Variants in PEX3 observed in about 807,000 individuals in gnomAD.
The protein encoded by PEX3 is peroxisomal biogenesis factor 3.
Under a neutral mutation model 55.8 loss-of-function variants are expected in PEX3, and 30 were observed. That is an observed-to-expected ratio of 0.54 (90% confidence interval 0.40 to 0.73). The LOEUF is 0.73. Among genes scored for constraint, PEX3 ranks in the 30% least tolerant of loss-of-function variants. The pLI is 0.00. For missense variants in PEX3, 351 were observed against 432.8 expected (o/e 0.81, Z 1.68); for synonymous variants, 135 against 148.4 (o/e 0.91, Z 0.66).
chr6:143,464,936 A>C lies in PEX3; in HGVS notation c.287+1939A>C, dbSNP rs1779972693. 6.6e-6 allele frequency among the ~76,000 whole-genome samples: 1 copy of C among 151,924 alleles called. No individual in the cohort carries two copies. The highest frequency in any genetic ancestry group is 2.4e-5 in the African/African-American group (1 of 41,428). On this transcript the variant is annotated intron_variant, in intron 3 of 11. Coordinates refer to ENST00000367591, the MANE Select transcript of PEX3 (RefSeq NM_003630.3). This position sits in a 1 kb window ranked among gnomAD's most constrained non-coding sequence, Gnocchi z 5.8. ...ATGAGAAATAAGTAGATGATTTGAT[A>C]GTCTTATTTTGCCAACTTCATAACA...
intron 9 of PEX3, among the ~76,000 whole-genome samples, chr6:143,478,597 A>G (rs887517352): frequency 1.3e-5 from 2 of 152,030 alleles, no homozygotes; most frequent in Non-Finnish European, 2.9e-5. Context: ...GAACTAAGAG[A>G]GTATAATTAA....
Position 143,489,455 on chromosome 6 carries a change from T to C in PEX3, c.*229T>C. On this transcript the variant is annotated 3_prime_UTR_variant, in exon 12 of 12. Transcript: ENST00000367591. The surrounding 1 kb of genome is among the most constrained non-coding windows in gnomAD (Gnocchi z 5.5). ...GCATATATATATACACGTGCAAATATCAGAATTGTTAATAATTTGTTACAC... is the reference window on the plus strand; with the variant it reads ...GCATATATATATACACGTGCAAATACCAGAATTGTTAATAATTTGTTACAC... 3.0e-6 allele frequency: 1 copy of C among 334,928 alleles called. No individual in the cohort carries two copies. 20.7% of individuals were successfully genotyped at this position (334,928 alleles called of 1,614,324 possible).
chr6:143,451,030 C>A lies in PEX3; in HGVS notation c.-13C>A. 6.2e-7 allele frequency: 1 copy of A among 1,604,762 alleles called. No individual in the cohort carries two copies. The highest frequency in any genetic ancestry group is 8.5e-7 in the Non-Finnish European group (1 of 1,171,360). On this transcript the variant is annotated 5_prime_UTR_variant, in exon 1 of 12. Coordinates refer to ENST00000367591, the MANE Select transcript of PEX3 (RefSeq NM_003630.3). This position sits in a 1 kb window ranked among gnomAD's most constrained non-coding sequence, Gnocchi z 4.1. ...CCTCACCCCTAGTCAGCCCACACCC[C>A]TAGGGCCTAAAGATGCTGAGGTCTG...
chr6:143,467,145 C>T (rs1780003099), intron 3 of PEX3, among the ~76,000 whole-genome samples: 3 of 151,924 alleles, frequency 2.0e-5, no homozygotes, highest in African/African-American at 4.8e-5. Flanking sequence ...ACCTTAAACT[C>T]TTTTACACTG....
chr6:143,461,882 AGGCTGC>A (rs1408483515), intron 2 of PEX3, among the ~76,000 whole-genome samples: 12 of 152,222 alleles, frequency 7.9e-5, no homozygotes, highest in African/African-American at 2.9e-4. Context: ...CAGGAGGTCA[AGGCTGC>A]AGTGAGCCGT....
rs1212708377 is a variant in PEX3 at position 143,490,133 on chromosome 6, C to CT, written c.*913dup. 6.6e-6 allele frequency: 1 copy of CT among 151,992 alleles called. No individual in the cohort carries two copies. Among genetic ancestry groups the CT allele is most frequent in the Non-Finnish European group, 1.5e-5 (1 of 67,990 alleles). The allele number at this position is 151,992 out of a possible 1,614,324, so 9.4% of individuals were successfully genotyped here. A position where few individuals can be genotyped will look rare whatever the true frequency, so the allele number is the denominator to read the frequency against. On this transcript the variant is annotated 3_prime_UTR_variant, in exon 12 of 12. Transcript: ENST00000367591. The surrounding 1 kb of genome is among the most constrained non-coding windows in gnomAD (Gnocchi z 6.0). ...ATTTTAATTGGTCGTGTACTTGGTG[C>CT]TTTTTTGTTGTTGTTAACTTGTTCA...
chr6:143,451,053 C>G lies in PEX3; in HGVS notation c.11C>G (p.Ser4Cys). The stretch of plus-strand genomic sequence containing the variant: ...CCCTAGGGCCTAAAGATGCTGAGGT[C>G]TGTATGGAATTTTCTGAAACGCCAC... The part of the protein sequence containing the change: MLR[S>C]VWNFLKRHKK... The change falls in exon 1 of 12, where the codon TCT (serine) becomes TGT (cysteine). Residue 4 changes from serine to cysteine, a missense_variant. Transcript: ENST00000367591. The surrounding 1 kb of genome is among the most constrained non-coding windows in gnomAD (Gnocchi z 4.1). 1 of 1,612,792 alleles carries G rather than the reference C, an allele frequency of 6.2e-7. No homozygotes were observed. The highest frequency in any genetic ancestry group is 8.5e-7 in the Non-Finnish European group (1 of 1,178,862).
At chr6:143,461,451 G>A (rs1779918000) in intron 2 of PEX3, among the ~76,000 whole-genome samples, 1 of 152,150 alleles carries the variant, frequency 6.6e-6, no homozygotes, top group South Asian at 2.1e-4. Flanking sequence ...TATAGGTTCA[G>A]TGAAACTTTC....
At chr6:143,470,801 G>A (rs1430392149) in intron 4 of PEX3, among the ~76,000 whole-genome samples, 160 bp from the exon 5 acceptor site, 1 of 152,104 alleles carries the variant, frequency 6.6e-6, no homozygotes, top group East Asian at 1.9e-4. Context: ...ACAATTGTGA[G>A]GAGAGACTGA....
chr6:143,460,588 G>C (rs960269351), intron 2 of PEX3, among the ~76,000 whole-genome samples: 1 of 152,170 alleles, frequency 6.6e-6, no homozygotes, highest in Non-Finnish European at 1.5e-5. Flanking sequence ...AAATGGGCCA[G>C]GCATGGTGGC....
chr6:143,480,601 A>G (rs1458401415), intron 10 of PEX3, among the ~76,000 whole-genome samples: 2 of 152,238 alleles, frequency 1.3e-5, no homozygotes, highest in Non-Finnish European at 2.9e-5. Context: ...TATTTTCTAT[A>G]TAAGTTTTTC....
chr6:143,451,420 C>T lies in PEX3; in HGVS notation c.73+305C>T, dbSNP rs1326751645. 1.3e-5 allele frequency among the ~76,000 whole-genome samples: 2 copies of T among 152,140 alleles called. No homozygotes were observed. Among genetic ancestry groups the T allele is most frequent in the East Asian group, 3.9e-4 (2 of 5,194 alleles). The stretch of plus-strand genomic sequence containing the variant: ...TCTGTTTCAAGGCACCATTCTCTTA[C>T]AGGAACTTTTTAAAAAAAATTCTGC... On this transcript the variant is annotated intron_variant, in intron 1 of 11. Transcript: ENST00000367591. This position sits in a 1 kb window ranked among gnomAD's most constrained non-coding sequence, Gnocchi z 4.1.
intron 8 of PEX3, 94 bp from the exon 9 acceptor site, chr6:143,474,692 A>T: frequency 1.3e-6 from 1 of 790,396 alleles, no homozygotes; most frequent in Non-Finnish European, 2.3e-6. Flanking sequence ...ATAGACTTAG[A>T]TTTCCTAAAC....
In PEX3 at chr6:143,485,051, C is replaced by A; in HGVS notation, c.942-101C>A. 2.6e-6 allele frequency: 2 copies of A among 758,264 alleles called. No individual in the cohort carries two copies. The highest frequency in any genetic ancestry group is 2.3e-6 in the Non-Finnish European group (1 of 425,938). The allele number at this position is 758,264 out of a possible 1,614,324, so 47.0% of individuals were successfully genotyped here. ...TTTTTTTTCCTTTTTAATAGATTTC[C>A]AAAAATATTCTACAATGGCTATGTA... On this transcript the variant is annotated intron_variant, in intron 10 of 11. Transcript: ENST00000367591. The surrounding 1 kb of genome is among the most constrained non-coding windows in gnomAD (Gnocchi z 5.6).
rs1780069250 is a variant in PEX3, at chr6:143,471,232, A to G, written c.456+147A>G. ...TTTTAGTATTATGAATAATTTTTAT[A>G]TGTTGAAACTAGAATTTTTGGTGTG... On this transcript the variant is annotated intron_variant, in intron 5 of 11. Transcript: ENST00000367591. The surrounding 1 kb of genome is among the most constrained non-coding windows in gnomAD (Gnocchi z 5.4). The G allele has an allele frequency of 6.1e-6, 6 of 981,148 alleles. No homozygotes were observed. Among genetic ancestry groups the G allele is most frequent in the Admixed American group, 2.1e-5 (1 of 47,424 alleles). The allele number at this position is 981,148 out of a possible 1,614,324, so 60.8% of individuals were successfully genotyped here. A position where few individuals can be genotyped will look rare whatever the true frequency, so the allele number is the denominator to read the frequency against.
intron 4 of PEX3, among the ~76,000 whole-genome samples, chr6:143,470,462 ACT>A (rs1340228854): frequency 1.3e-5 from 2 of 151,322 alleles, no homozygotes; most frequent in Admixed American, 6.6e-5. Context: ...CAACACCTTC[ACT>A]CTCTCCTCTG....
At chr6:143,470,321 G>A (rs1055833153) in intron 4 of PEX3, among the ~76,000 whole-genome samples, 5 of 152,088 alleles carry the variant, frequency 3.3e-5, no homozygotes, top group African/African-American at 1.2e-4. Context: ...ACGCTTTGAT[G>A]TACTACAGCC....
chr6:143,451,943 A>G lies in PEX3; in HGVS notation c.73+828A>G, dbSNP rs1779775149. Among the ~76,000 whole-genome samples, 1 of 152,254 alleles carries G rather than the reference A, an allele frequency of 6.6e-6. No individual in the cohort carries two copies. Among genetic ancestry groups the G allele is most frequent in the Admixed American group, 6.5e-5 (1 of 15,282 alleles). On this transcript the variant is annotated intron_variant, in intron 1 of 11. Transcript: ENST00000367591. The surrounding 1 kb of genome is among the most constrained non-coding windows in gnomAD (Gnocchi z 4.1). ...GGAACTATAAAAGAGGAAATTTGTT[A>G]GAACTTGAGTTTTTGAGAAATAGTC...
Position 143,462,968 on chromosome 6 carries a change from C to G in PEX3, c.258C>G (p.Ser86=). 6.2e-7 allele frequency: 1 copy of G among 1,613,648 alleles called. No homozygotes were observed. Among genetic ancestry groups the G allele is most frequent in the Non-Finnish European group, 8.5e-7 (1 of 1,179,674 alleles). ...AGGCCTTAATGCAGCAACTGAATTC[C>G]GAGAGCCTCACAGCTCTGCTAAAAA... is the stretch of plus-strand genomic sequence containing the variant. The part of the protein sequence containing the change: ...LREALMQQLN[S]ESLTALLKNR... The change falls in exon 3 of 12, where the codon TCC becomes TCG. Residue 86 remains serine (S), a synonymous_variant. Transcript: ENST00000367591. The surrounding 1 kb of genome is among the most constrained non-coding windows in gnomAD (Gnocchi z 4.1).
Sources: allele counts gnomAD v4.1 joint callset (sites outside exome capture counted in the v4.1 genomes callset), GRCh38; gene constraint gnomAD v4.1.1; non-coding constraint Gnocchi (gnomAD v3.1); transcripts MANE v1.5; gene names NCBI Gene and HGNC (gene_info 2026-07-23, HGNC 2026-07-21).